ARNT2: variants seen among roughly 807,000 people sequenced by gnomAD.
The protein encoded by ARNT2 is ARNT protein 2.
Under a neutral mutation model 91.7 loss-of-function variants are expected in ARNT2, and 36 were observed. The observed-to-expected ratio is 0.39, with a 90% CI of 0.30 to 0.52. The LOEUF (loss-of-function observed/expected upper bound fraction) is 0.52, where lower values mean the gene tolerates loss of function less well. ARNT2 is among the 20% of genes least tolerant of loss of function. The pLI, the probability that ARNT2 is intolerant of heterozygous loss-of-function variation, is 0.72. For missense variants in ARNT2, 775 were observed against 939.3 expected (o/e 0.83, Z 2.29); for synonymous variants, 365 against 347.1 (o/e 1.05, Z -0.57).
chr15:80,581,222 C>T lies in ARNT2; in HGVS notation c.1753-17C>T, dbSNP rs1898792857. On this transcript the variant is annotated splice_polypyrimidine_tract_variant and intron_variant, in intron 16 of 18. Transcript: ENST00000303329. ...GCTGGTGATGCTTTCCATCTCTTTG[C>T]TTTGTCCTGATTGTAGCAAATCCCA... 1 of 1,613,800 alleles carries T rather than the reference C, an allele frequency of 6.2e-7. No homozygotes were observed.
chr15:80,469,427 T>C (rs1470745461), intron 3 of ARNT2, among the ~76,000 whole-genome samples: 1 of 151,952 alleles, frequency 6.6e-6, no homozygotes, highest in Non-Finnish European at 1.5e-5. Flanking sequence ...GTAGCATTAT[T>C]GGTCTACTTA....
chr15:80,524,657 A>G (rs1361021919), intron 8 of ARNT2, among the ~76,000 whole-genome samples: 1 of 152,124 alleles, frequency 6.6e-6, no homozygotes, highest in East Asian at 1.9e-4. Context: ...CGGGCGATTC[A>G]TGAGGTCAGC....
intron 4 of ARNT2, among the ~76,000 whole-genome samples, chr15:80,473,190 T>C (rs1474485885): frequency 1.3e-5 from 2 of 152,142 alleles, no homozygotes; most frequent in Non-Finnish European, 2.9e-5. Flanking sequence ...GAGCGGTAGG[T>C]GATAGTCTCC....
chr15:80,482,147 C>T (rs1270527192), intron 5 of ARNT2, among the ~76,000 whole-genome samples: 1 of 152,204 alleles, frequency 6.6e-6, no homozygotes, highest in Non-Finnish European at 1.5e-5. Flanking sequence ...TGGACTTAAA[C>T]AGTCCTCCCA....
At chr15:80,569,331 C>T (rs1898543855) in intron 12 of ARNT2, among the ~76,000 whole-genome samples, 1 of 152,248 alleles carries the variant, frequency 6.6e-6, no homozygotes, top group African/African-American at 2.4e-5. Context: ...TGGAGGGCAG[C>T]ACTGGCTGTG....
chr15:80,417,841 C>T (rs912633807), intron 1 of ARNT2, among the ~76,000 whole-genome samples: 1 of 152,174 alleles, frequency 6.6e-6, no homozygotes, highest in Admixed American at 6.5e-5. Context: ...TAGGGCTGTT[C>T]TGTGTGCTTG....
intron 12 of ARNT2, among the ~76,000 whole-genome samples, chr15:80,571,088 T>C (rs1317864063): frequency 1.3e-5 from 2 of 152,140 alleles, no homozygotes; most frequent in South Asian, 4.1e-4. Context: ...TTATTTTGTG[T>C]TTCTCCAGGG....
chr15:80,540,885 T>G (rs1897894255), intron 8 of ARNT2, among the ~76,000 whole-genome samples: 1 of 152,184 alleles, frequency 6.6e-6, no homozygotes, highest in Non-Finnish European at 1.5e-5. Context: ...ATTTTCTTTA[T>G]CTGGTCCACT....
At chr15:80,447,329 A>G (rs1167024713) in intron 1 of ARNT2, among the ~76,000 whole-genome samples, 2 of 152,166 alleles carry the variant, frequency 1.3e-5, no homozygotes, top group Non-Finnish European at 2.9e-5. Context: ...TCTACTCATG[A>G]ATACCCACAG....
chr15:80,443,660 G>A (rs1460747590), intron 1 of ARNT2, among the ~76,000 whole-genome samples: 4 of 152,194 alleles, frequency 2.6e-5, no homozygotes, highest in Non-Finnish European at 5.9e-5. Context: ...AGAACAGGCA[G>A]AGGAGGCCTA....
chr15:80,475,317 G>A, intron 5 of ARNT2, 94 bp downstream of exon 5: 1 of 1,276,522 alleles, frequency 7.8e-7, no homozygotes, highest in Non-Finnish European at 1.1e-6. Flanking sequence ...TACTTTGGGA[G>A]GCTGAGGCGG....
intron 5 of ARNT2, among the ~76,000 whole-genome samples, chr15:80,504,427 T>C (rs921717805): frequency 6.6e-6 from 1 of 152,218 alleles, no homozygotes; most frequent in South Asian, 2.1e-4. Flanking sequence ...GCTAAATGAA[T>C]ATTTGTGAAG....
chr15:80,500,611 A>G (rs1897178292), intron 5 of ARNT2, among the ~76,000 whole-genome samples: 1 of 152,228 alleles, frequency 6.6e-6, no homozygotes, highest in Non-Finnish European at 1.5e-5. Flanking sequence ...AATACTTACA[A>G]ATCAGCTTAC....
intron 8 of ARNT2, among the ~76,000 whole-genome samples, chr15:80,539,091 C>A (rs1045876053): frequency 6.6e-6 from 1 of 151,832 alleles, no homozygotes; most frequent in African/African-American, 2.4e-5. Flanking sequence ...CAAAACTGCA[C>A]CCCAAATGGT....
At chr15:80,573,216 T>TCAAAAA (rs1898614503) in intron 12 of ARNT2, among the ~76,000 whole-genome samples, 1 of 152,254 alleles carries the variant, frequency 6.6e-6, no homozygotes, top group Admixed American at 6.5e-5. Flanking sequence ...TCAAAGGTGT[T>TCAAAAA]TTAATTTACA....
chr15:80,404,563 GC>G lies in ARNT2; in HGVS notation c.31+21del, dbSNP rs1234899929. 4.5e-6 allele frequency: 5 copies of G among 1,101,848 alleles called. No homozygotes were observed. Among genetic ancestry groups the G allele is most frequent in the Middle Eastern group, 4.0e-4 (1 of 2,482 alleles). 68.3% of individuals were successfully genotyped at this position (1,101,848 alleles called of 1,614,324 possible). ...ACCCTCCGGGTGAGTAGCGGCCTGGGCCCCGCCGCCCGCCGCAGCCCGCAGG... is the reference window on the plus strand; with the variant it reads ...ACCCTCCGGGTGAGTAGCGGCCTGGGCCCGCCGCCCGCCGCAGCCCGCAGG... On this transcript the variant is annotated intron_variant, in intron 1 of 18. Transcript: ENST00000303329. This position sits in a 1 kb window ranked among gnomAD's most constrained non-coding sequence, Gnocchi z 5.5.
intron 1 of ARNT2, among the ~76,000 whole-genome samples, chr15:80,407,106 T>G (rs1184901532): frequency 5.9e-5 from 9 of 152,144 alleles, no homozygotes; most frequent in Admixed American, 5.9e-4. Flanking sequence ...CCAGATATGG[T>G]TGCTTTGCAA....
At chr15:80,577,062 G>C in intron 15 of ARNT2, 97 bp downstream of exon 15, 2 of 1,237,946 alleles carry the variant, frequency 1.6e-6, no homozygotes, top group Non-Finnish European at 2.3e-6. Flanking sequence ...GTAAGCATGA[G>C]TTAGTGGTTA....
intron 2 of ARNT2, among the ~76,000 whole-genome samples, chr15:80,453,820 G>A (rs533781792): frequency 6.6e-6 from 1 of 152,274 alleles, no homozygotes; most frequent in South Asian, 2.1e-4. Flanking sequence ...TGGGGGTGGT[G>A]GAAGGGGGTA....
Sources: gnomAD v4.1 joint callset for allele counts (sites outside exome capture counted in the v4.1 genomes callset) on GRCh38, gnomAD v4.1.1 for gene constraint, Gnocchi (gnomAD v3.1) non-coding constraint, MANE v1.5 for transcripts, NCBI Gene and HGNC (gene_info 2026-07-23, HGNC 2026-07-21) for gene names.